SFMBT1: variants seen among roughly 807,000 people sequenced by gnomAD.
SFMBT1 encodes the protein Scm like with four mbt domains 1.
In SFMBT1, 32 loss-of-function variants were observed where a neutral mutation model predicts 108.7. The ratio of observed to expected loss-of-function variants is 0.29; its 90% CI spans 0.22 to 0.40. SFMBT1 has a LOEUF of 0.40. Ranked by LOEUF, SFMBT1 falls within the 10% of genes least tolerant of loss-of-function variation. The probability of loss-of-function intolerance (pLI) is 1.00; values close to 1 mark genes in which losing one functional copy is unlikely to be tolerated. For synonymous variants in SFMBT1, 348 were observed against 369.5 expected (o/e 0.94, Z 0.67); for missense variants, 816 against 1,059.6 (o/e 0.77, Z 3.19).
At chr3:52,908,237 C>A (rs1355950935) in intron 17 of SFMBT1, among the ~76,000 whole-genome samples, 21 of 151,684 alleles carry the variant, frequency 1.4e-4, no homozygotes, top group African/African-American at 4.1e-4. Context: ...CCATGCCCGG[C>A]TAATTTTTAT....
At chr3:52,922,023 A>T (rs1174233569) in intron 10 of SFMBT1, among the ~76,000 whole-genome samples, 192 bp from the exon 11 acceptor site, 1 of 152,206 alleles carries the variant, frequency 6.6e-6, no homozygotes, top group Non-Finnish European at 1.5e-5. Flanking sequence ...AGTATACAGG[A>T]AGTACACTCT....
At chr3:52,972,485 T>A (rs1704378041) in intron 1 of SFMBT1, among the ~76,000 whole-genome samples, 1 of 152,194 alleles carries the variant, frequency 6.6e-6, no homozygotes, top group Non-Finnish European at 1.5e-5. Context: ...TCCAGGCGCT[T>A]AGTATATGAA....
At chr3:52,946,946 AT>A (rs1170448370) in intron 3 of SFMBT1, among the ~76,000 whole-genome samples, 1 of 150,260 alleles carries the variant, frequency 6.7e-6, no homozygotes, top group East Asian at 2.0e-4. Flanking sequence ...TGATTTTTGT[AT>A]TTTTTGTAGC....
At chr3:53,025,070 C>T (rs935811044) in intron 1 of SFMBT1, among the ~76,000 whole-genome samples, 13 of 152,170 alleles carry the variant, frequency 8.5e-5, no homozygotes, top group African/African-American at 3.1e-4. Context: ...ATTATAGAAA[C>T]AGTACAGAAA....
At chr3:53,026,434 G>A (rs2581781) in intron 1 of SFMBT1, among the ~76,000 whole-genome samples, 149,637 of 152,352 alleles carry the variant, frequency 0.98, 73,552 homozygotes, top group Middle Eastern at 1. Context: ...CGACTCACAC[G>A]TAGCCACTCA....
chr3:52,931,477 G>A (rs1370472267), intron 6 of SFMBT1, among the ~76,000 whole-genome samples: 1 of 152,084 alleles, frequency 6.6e-6, no homozygotes, highest in African/African-American at 2.4e-5. Flanking sequence ...GTCAGTATGG[G>A]TTGGCACAGT....
intron 1 of SFMBT1, among the ~76,000 whole-genome samples, chr3:53,022,914 C>T (rs559982488): frequency 1.3e-5 from 2 of 152,194 alleles, no homozygotes; most frequent in East Asian, 3.9e-4. Context: ...AGATGGTAAG[C>T]TTTATGAATG....
chr3:53,024,138 G>A (rs1363436668), intron 1 of SFMBT1, among the ~76,000 whole-genome samples: 1 of 152,128 alleles, frequency 6.6e-6, no homozygotes, highest in Non-Finnish European at 1.5e-5. Flanking sequence ...ATTAATCAGG[G>A]GCAGGGATAT....
intron 3 of SFMBT1, among the ~76,000 whole-genome samples, chr3:52,953,052 C>T (rs1703649237): frequency 6.6e-6 from 1 of 152,170 alleles, no homozygotes; most frequent in Non-Finnish European, 1.5e-5. Context: ...GTTGTTTAAG[C>T]CACCTAGTCT....
rs145299408 is a variant in SFMBT1, at chr3:52,998,202, C to T, written c.-130-28944G>A. Among the ~76,000 whole-genome samples, 1,167 of 149,938 alleles carry T rather than the reference C, an allele frequency of 7.8e-3. 124 individuals are homozygous for T. The highest frequency in any genetic ancestry group is 0.075 in the Admixed American group (1,111 of 14,842). ...AGGCCAAGACGGGCAGATCACGAGGCCAACACGGAGAAACCCCGTCTCTAC... is the reference window on the plus strand; with the variant it reads ...AGGCCAAGACGGGCAGATCACGAGGTCAACACGGAGAAACCCCGTCTCTAC... On this transcript the variant is annotated intron_variant, in intron 1 of 20. Coordinates refer to ENST00000394752, the MANE Select transcript of SFMBT1 (RefSeq NM_016329.4).
At chr3:52,931,997 C>A in intron 6 of SFMBT1, 65 bp downstream of exon 6, 1 of 1,527,784 alleles carries the variant, frequency 6.5e-7, no homozygotes, top group South Asian at 1.2e-5. Context: ...ATTTTTTCAG[C>A]CTCATAGATA....
intron 5 of SFMBT1, among the ~76,000 whole-genome samples, chr3:52,932,531 C>A (rs1702888940): frequency 6.6e-6 from 1 of 152,184 alleles, no homozygotes; most frequent in Non-Finnish European, 1.5e-5. Flanking sequence ...AGTAAAATTA[C>A]TCTAACACAT....
At chr3:52,954,685 T>C (rs1326021141) in intron 2 of SFMBT1, among the ~76,000 whole-genome samples, 4 of 152,146 alleles carry the variant, frequency 2.6e-5, no homozygotes, top group Non-Finnish European at 5.9e-5. Context: ...CCCAAATGGA[T>C]CACATAAAAC....
At chr3:52,963,390 A>G (rs1420228260) in intron 2 of SFMBT1, among the ~76,000 whole-genome samples, 2 of 152,196 alleles carry the variant, frequency 1.3e-5, no homozygotes, top group African/African-American at 2.4e-5. Flanking sequence ...ACTGAAACAC[A>G]TGAGCTAACT....
At chr3:52,906,062 TA>T (rs1395738482) in intron 20 of SFMBT1, 50 bp downstream of exon 20, 2 of 1,591,418 alleles carry the variant, frequency 1.3e-6, no homozygotes, top group African/African-American at 2.7e-5. Flanking sequence ...ATTACATCCA[TA>T]ATTTATTGCT....
intron 17 of SFMBT1, among the ~76,000 whole-genome samples, chr3:52,910,744 C>A (rs1442117210): frequency 6.6e-6 from 1 of 152,200 alleles, no homozygotes; most frequent in Non-Finnish European, 1.5e-5. Context: ...CTGCCTCGGC[C>A]TCCCAAAGTG....
intron 8 of SFMBT1, among the ~76,000 whole-genome samples, chr3:52,928,832 T>A (rs1702769362): frequency 6.6e-6 from 1 of 151,496 alleles, no homozygotes; most frequent in Non-Finnish European, 1.5e-5. Flanking sequence ...GTCCCTTGAG[T>A]AGCTGGGACA....
intron 17 of SFMBT1, among the ~76,000 whole-genome samples, chr3:52,910,181 C>T (rs996039148): frequency 1.3e-5 from 2 of 152,192 alleles, no homozygotes; most frequent in African/African-American, 4.8e-5. Flanking sequence ...TCTCTAAATA[C>T]TGACCCCTCT....
chr3:52,953,320 G>T (rs1490153184), intron 3 of SFMBT1, among the ~76,000 whole-genome samples: 3 of 152,022 alleles, frequency 2.0e-5, no homozygotes, highest in Admixed American at 2.0e-4. Context: ...GGGTGTGGTG[G>T]TGTACACCTG....
Sources: gnomAD v4.1 joint callset for allele counts (sites outside exome capture counted in the v4.1 genomes callset) on GRCh38, gnomAD v4.1.1 for gene constraint, MANE v1.5 for transcripts, NCBI Gene and HGNC (gene_info 2026-07-23, HGNC 2026-07-21) for gene names.